FGGY: variants seen among roughly 807,000 people sequenced by gnomAD.
FGGY encodes FGGY carbohydrate kinase domain-containing protein.
FGGY carries 72 observed loss-of-function variants against 71.3 expected under a neutral mutation model. The ratio of observed to expected loss-of-function variants is 1.01; its 90% CI spans 0.84 to 1.23. The LOEUF (loss-of-function observed/expected upper bound fraction) is 1.23. Ranked by LOEUF, FGGY falls within the 50% of genes most tolerant of loss-of-function variation. The pLI, the probability that FGGY is intolerant of heterozygous loss-of-function variation, is 0.00. For synonymous variants in FGGY, 251 were observed against 250.3 expected, an observed-to-expected ratio of 1.00 and a Z score of -0.02; for missense variants, 668 against 682.3, an observed-to-expected ratio of 0.98 and a Z score of 0.23.
intron 15 of FGGY, among the ~76,000 whole-genome samples, chr1:59,761,627 C>T (rs1336457618): frequency 6.6e-6 from 1 of 152,218 alleles, no homozygotes; most frequent in Non-Finnish European, 1.5e-5. Context: ...TTCAGCTGTT[C>T]TGCTGTCTGA....
At chr1:59,709,366 C>A (rs2097777522) in intron 14 of FGGY, among the ~76,000 whole-genome samples, 4 of 152,184 alleles carry the variant, frequency 2.6e-5, no homozygotes, top group South Asian at 4.2e-4. Context: ...ATGAGGAAAC[C>A]ACCCCCATAA....
rs55863845 is a variant in FGGY, at chr1:59,643,580, T to C, written c.1221+5205T>C. On this transcript the variant is annotated intron_variant, in intron 11 of 15. Transcript: ENST00000303721. ...AAGTTAAGATGAAAGGACAATGGAA[T>C]GAGAAAAAGGGGGAAATGGCAAAGA... 3.5e-3 allele frequency among the ~76,000 whole-genome samples: 539 copies of C among 151,848 alleles called. 4 individuals carry two copies. The highest frequency in any genetic ancestry group is 0.012 in the African/African-American group (515 of 41,394).
intron 4 of FGGY, among the ~76,000 whole-genome samples, chr1:59,361,823 CAGTTG>C (rs2055585726): frequency 6.6e-6 from 1 of 152,194 alleles, no homozygotes; most frequent in Non-Finnish European, 1.5e-5. Flanking sequence ...CTCCTCATTT[CAGTTG>C]TCTCAAGACT....
At chr1:59,593,214 A>C (rs888849513) in intron 8 of FGGY, among the ~76,000 whole-genome samples, 1 of 152,256 alleles carries the variant, frequency 6.6e-6, no homozygotes, top group Non-Finnish European at 1.5e-5. Context: ...ACCACTGTGC[A>C]GGTTCAGCTG....
chr1:59,490,012 T>G (rs939366532), intron 6 of FGGY, among the ~76,000 whole-genome samples: 1 of 152,220 alleles, frequency 6.6e-6, no homozygotes, highest in Non-Finnish European at 1.5e-5. Context: ...TTTATATGTC[T>G]TCTTTTGAGA....
chr1:59,697,553 A>G, intron 14 of FGGY: 1 of 606,598 alleles, frequency 1.6e-6, no homozygotes, highest in South Asian at 1.5e-5. Context: ...TTGTATTCTT[A>G]ATGCAACATA....
intron 10 of FGGY, among the ~76,000 whole-genome samples, chr1:59,637,861 A>G (rs1337517496): frequency 6.6e-6 from 1 of 152,202 alleles, no homozygotes; most frequent in Non-Finnish European, 1.5e-5. Flanking sequence ...GCCTTCACAT[A>G]CATAATCTTC....
At chr1:59,741,235 A>C (rs2098143954) in intron 14 of FGGY, among the ~76,000 whole-genome samples, 1 of 152,132 alleles carries the variant, frequency 6.6e-6, no homozygotes, top group Non-Finnish European at 1.5e-5. Context: ...GTTGAATTGT[A>C]ATCCCCAGTG....
At chr1:59,650,857 G>A (rs1293744607) in intron 11 of FGGY, among the ~76,000 whole-genome samples, 6 of 148,384 alleles carry the variant, frequency 4.0e-5, no homozygotes, top group East Asian at 1.9e-4. Flanking sequence ...TGTCAATTTT[G>A]GATCTTTCCT....
intron 6 of FGGY, among the ~76,000 whole-genome samples, chr1:59,472,692 C>A (rs10889138): frequency 6.6e-6 from 1 of 151,254 alleles, no homozygotes; most frequent in Non-Finnish European, 1.5e-5. Flanking sequence ...TGCACCAGTC[C>A]ACACTCTGTA....
intron 1 of FGGY, among the ~76,000 whole-genome samples, chr1:59,319,019 A>G (rs2045937828): frequency 6.6e-6 from 1 of 152,204 alleles, no homozygotes; most frequent in Admixed American, 6.5e-5. Context: ...CATTGCCCCT[A>G]TTTTGTCAAT....
chr1:59,587,369 A>C (rs186568152), intron 8 of FGGY, among the ~76,000 whole-genome samples: 13,113 of 147,096 alleles, frequency 0.089, 1,239 homozygotes, highest in South Asian at 0.24. Context: ...GGGGGCAGGG[A>C]ACAGACAAAC....
At chr1:59,714,339 G>A (rs931840156) in intron 14 of FGGY, among the ~76,000 whole-genome samples, 1 of 152,204 alleles carries the variant, frequency 6.6e-6, no homozygotes, top group Admixed American at 6.5e-5. Context: ...CATGAAGCCT[G>A]TAGGATCTAC....
At chr1:59,589,224 C>T (rs1452553133) in intron 8 of FGGY, among the ~76,000 whole-genome samples, 2 of 148,872 alleles carry the variant, frequency 1.3e-5, no homozygotes, top group Non-Finnish European at 3.0e-5. Flanking sequence ...GGGATCAATT[C>T]AACAAGAGCT....
At chr1:59,387,690 G>A (rs61313182) in intron 5 of FGGY, among the ~76,000 whole-genome samples, 27,715 of 152,012 alleles carry the variant, frequency 0.18, 3,657 homozygotes, top group African/African-American at 0.37. Context: ...ACGTTAATCA[G>A]TTGCTAACAT....
intron 4 of FGGY, among the ~76,000 whole-genome samples, chr1:59,346,973 A>G (rs1319515751): frequency 8.2e-6 from 1 of 121,264 alleles, no homozygotes; most frequent in Non-Finnish European, 1.7e-5. Context: ...TTTTTTAAGT[A>G]TCAATTTCTC....
At chr1:59,685,397 A>G (rs1030132765) in intron 14 of FGGY, among the ~76,000 whole-genome samples, 5 of 152,050 alleles carry the variant, frequency 3.3e-5, no homozygotes, top group Non-Finnish European at 5.9e-5. Flanking sequence ...TGATTAGTGA[A>G]CAGAATAATT....
At chr1:59,582,668 A>T (rs7548526) in intron 8 of FGGY, among the ~76,000 whole-genome samples, 1 of 149,546 alleles carries the variant, frequency 6.7e-6, no homozygotes, top group Non-Finnish European at 1.5e-5. Context: ...ATCTATGTGC[A>T]TCCATGGTAC....
chr1:59,607,728 G>T, intron 8 of FGGY, 75 bp from the exon 9 acceptor site: 1 of 1,151,078 alleles, frequency 8.7e-7, no homozygotes. Flanking sequence ...CATGGTCATA[G>T]AAATATTAGG....
Sources: gnomAD v4.1 joint callset for allele counts (sites outside exome capture counted in the v4.1 genomes callset) on GRCh38, gnomAD v4.1.1 for gene constraint, MANE v1.5 for transcripts, NCBI Gene and HGNC (gene_info 2026-07-23, HGNC 2026-07-21) for gene names.